The following SMARCA2 variants were observed in gnomAD, a reference collection of about 807,000 sequenced individuals.
The protein encoded by SMARCA2 is SWI/SNF related BAF chromatin remodeling complex subunit ATPase 2, also known as SWI/SNF-related matrix-associated actin-dependent regulator of chromatin subfamily A member 2.
In SMARCA2, 61 loss-of-function variants were observed where a neutral mutation model predicts 199.8. The observed-to-expected ratio is 0.31, with a 90% CI of 0.25 to 0.38. The LOEUF (loss-of-function observed/expected upper bound fraction) is 0.38, where lower values mean the gene tolerates loss of function less well. SMARCA2 is among the 10% of genes least tolerant of loss of function. The probability of loss-of-function intolerance (pLI) is 1.00; values close to 1 mark genes in which losing one functional copy is unlikely to be tolerated. For synonymous variants in SMARCA2, 935 were observed against 732.0 expected (o/e 1.28, Z -4.48); for missense variants, 1,344 against 2,012.2 (o/e 0.67, Z 6.35).
chr9:2,182,105 T>G, intron 30 of SMARCA2, 36 bp from the exon 31 acceptor site: 1 of 1,330,718 alleles, frequency 7.5e-7, no homozygotes, highest in Non-Finnish European at 1.1e-6. Context: ...TTCCTCTCCC[T>G]CTTTTTTTCT....
chr9:2,038,364 A>C (rs912751926), intron 3 of SMARCA2, among the ~76,000 whole-genome samples: 10 of 152,142 alleles, frequency 6.6e-5, no homozygotes, highest in Admixed American at 5.9e-4. Flanking sequence ...GATTCCCCTT[A>C]CCATTTCTAT....
intron 11 of SMARCA2, 25 bp from the exon 12 acceptor site, chr9:2,073,541 C>T (rs779484161): frequency 6.3e-7 from 1 of 1,597,384 alleles, no homozygotes; most frequent in South Asian, 1.1e-5. Flanking sequence ...TAAGCCCCCT[C>T]CTCTTCCTCA....
intron 29 of SMARCA2, among the ~76,000 whole-genome samples, chr9:2,174,200 C>G (rs1826409938): frequency 6.6e-6 from 1 of 152,122 alleles, no homozygotes; most frequent in South Asian, 2.1e-4. Flanking sequence ...AGGCCAACAC[C>G]AGCATAAAGG....
chr9:2,177,974 T>C (rs993404542), intron 29 of SMARCA2, among the ~76,000 whole-genome samples: 5 of 151,984 alleles, frequency 3.3e-5, no homozygotes, highest in Admixed American at 6.5e-5. Context: ...TTTAGAGTCA[T>C]AGTATAGATG....
At chr9:2,128,637 T>A (rs1823801477) in intron 27 of SMARCA2, among the ~76,000 whole-genome samples, 1 of 152,182 alleles carries the variant, frequency 6.6e-6, no homozygotes, top group East Asian at 1.9e-4. Context: ...ATGTCTTAAG[T>A]TTGCAAATTG....
intron 14 of SMARCA2, among the ~76,000 whole-genome samples, chr9:2,080,869 TCTTTTA>T (rs1264480950): frequency 6.6e-6 from 1 of 152,218 alleles, no homozygotes; most frequent in East Asian, 1.9e-4. Context: ...CATTGTTTTC[TCTTTTA>T]TTTGAGCTTC....
chr9:2,189,994 C>G (rs762205895), intron 32 of SMARCA2, among the ~76,000 whole-genome samples: 1 of 152,172 alleles, frequency 6.6e-6, no homozygotes, highest in African/African-American at 2.4e-5. Flanking sequence ...ACATGGTAGT[C>G]TAGCAAAGCT....
At chr9:2,175,801 C>T (rs1347355274) in intron 29 of SMARCA2, among the ~76,000 whole-genome samples, 1 of 152,104 alleles carries the variant, frequency 6.6e-6, no homozygotes, top group Non-Finnish European at 1.5e-5. Flanking sequence ...TTTTTCAATG[C>T]CTTTTTTAAA....
chr9:2,184,903 A>C (rs1201270811), intron 31 of SMARCA2, among the ~76,000 whole-genome samples: 1 of 151,916 alleles, frequency 6.6e-6, no homozygotes, highest in East Asian at 1.9e-4. Context: ...CTCACTGCCT[A>C]TATTGTTCAT....
At chr9:2,156,105 T>A (rs1825346636) in intron 27 of SMARCA2, among the ~76,000 whole-genome samples, 1 of 152,226 alleles carries the variant, frequency 6.6e-6, no homozygotes, top group African/African-American at 2.4e-5. Context: ...CACAGTTATT[T>A]TCTTACATCA....
chr9:2,176,611 G>A (rs1223293324), intron 29 of SMARCA2, among the ~76,000 whole-genome samples: 3 of 152,120 alleles, frequency 2.0e-5, no homozygotes, highest in Non-Finnish European at 4.4e-5. Flanking sequence ...GACTGCAGGG[G>A]CATGATCTCA....
At chr9:2,143,679 G>T (rs1824574638) in intron 27 of SMARCA2, among the ~76,000 whole-genome samples, 2 of 152,184 alleles carry the variant, frequency 1.3e-5, no homozygotes, top group South Asian at 4.1e-4. Context: ...AAGATTTCCA[G>T]GAGAGATAAC....
chr9:2,168,626 A>C (rs1826064719), intron 28 of SMARCA2, among the ~76,000 whole-genome samples: 2 of 152,238 alleles, frequency 1.3e-5, no homozygotes, highest in South Asian at 4.1e-4. Flanking sequence ...GGCTTCATCA[A>C]ACCAATGGAT....
rs1827996782 is a variant in SMARCA2, at chr9:2,192,983, AAGCTTTTG to A, written c.*246_*253del. The A allele has an allele frequency of 4.2e-6, 2 of 474,402 alleles. No individual in the cohort carries two copies. The highest frequency in any genetic ancestry group is 7.1e-5 in the South Asian group (2 of 28,006). 29.4% of individuals were successfully genotyped at this position (474,402 alleles called of 1,614,324 possible). A position where few individuals can be genotyped will look rare whatever the true frequency, so the allele number is the denominator to read the frequency against. ...AAAGATTCAGATTGAAACAAACAAA[AAGCTTTTG>A]ATGGAAAATATGTGGGTGGATAGTA... is the stretch of plus-strand genomic sequence containing the variant. On this transcript the variant is annotated 3_prime_UTR_variant, in exon 34 of 34. Coordinates refer to ENST00000349721, the MANE Select transcript of SMARCA2 (RefSeq NM_003070.5).
intron 19 of SMARCA2, among the ~76,000 whole-genome samples, chr9:2,089,210 T>C (rs527537882): frequency 6.6e-6 from 1 of 152,320 alleles, no homozygotes; most frequent in Admixed American, 6.5e-5. Context: ...TTTTGGAAAC[T>C]TAGTCTGCAG....
rs1309967815 is a variant in SMARCA2, at chr9:2,181,592, A to G, written c.4275A>G (p.Glu1425=). The change falls in exon 30 of 34, where the codon GAA becomes GAG. Residue 1425 remains glutamate (E), a synonymous_variant. Transcript: ENST00000349721. ...ACAGTTCAGGGCGACAGCTCAGTGA[A>G]GTCTTCATTCAGTTACCTTCAAGGA... The part of the protein sequence containing the change: ...EGNSSGRQLS[E]VFIQLPSRKE... The G allele has an allele frequency of 6.3e-7, 1 of 1,597,162 alleles. No homozygotes were observed. Among genetic ancestry groups the G allele is most frequent in the Middle Eastern group, 1.7e-4 (1 of 6,022 alleles).
chr9:2,071,204 C>A (rs1478742217), intron 10 of SMARCA2, among the ~76,000 whole-genome samples: 1 of 152,170 alleles, frequency 6.6e-6, no homozygotes, highest in Non-Finnish European at 1.5e-5. Context: ...ATTCTGGTAT[C>A]ACTCTGCACA....
At chr9:2,040,034 T>C in intron 4 of SMARCA2, 134 bp downstream of exon 4, 1 of 1,465,752 alleles carries the variant, frequency 6.8e-7, no homozygotes, top group South Asian at 1.3e-5. Context: ...CTCTCTATCC[T>C]TGCTCCACTT....
intron 15 of SMARCA2, among the ~76,000 whole-genome samples, chr9:2,082,308 T>TGG (rs1554623177): frequency 1.1e-4 from 2 of 18,920 alleles, no homozygotes; most frequent in Non-Finnish European, 3.3e-4. Context: ...AGGGGAAAGG[T>TGG]GTGTGTGTGT....
Sources: allele counts gnomAD v4.1 joint callset (sites outside exome capture counted in the v4.1 genomes callset), GRCh38; gene constraint gnomAD v4.1.1; transcripts MANE v1.5; gene names NCBI Gene and HGNC (gene_info 2026-07-23, HGNC 2026-07-21).